Variants in SPATA6 observed in about 807,000 individuals in gnomAD.
SPATA6 encodes spermatogenesis-associated protein 6.
A neutral mutation model predicts 65.3 loss-of-function variants in SPATA6; 56 were observed. The observed-to-expected ratio is 0.86, with a 90% CI of 0.69 to 1.07. The LOEUF is 1.07. SPATA6 is among the 50% of genes least tolerant of loss of function. The probability of loss-of-function intolerance (pLI) is 0.00; values close to 1 mark genes in which losing one functional copy is unlikely to be tolerated. For synonymous variants in SPATA6, 199 were observed against 213.2 expected (o/e 0.93, Z 0.58); for missense variants, 590 against 594.8 (o/e 0.99, Z 0.08).
intron 11 of SPATA6, among the ~76,000 whole-genome samples, chr1:48,347,951 C>T (rs758858902): frequency 3.9e-5 from 6 of 152,046 alleles, no homozygotes; most frequent in Middle Eastern, 3.4e-3. Flanking sequence ...AGTTTTCCAG[C>T]CCCCTGACCA....
chr1:48,387,241 C>T (rs565604298), intron 8 of SPATA6, among the ~76,000 whole-genome samples: 2 of 152,274 alleles, frequency 1.3e-5, no homozygotes, highest in Admixed American at 1.3e-4. Context: ...TCCCACCAGG[C>T]TCCTCCCACA....
intron 3 of SPATA6, among the ~76,000 whole-genome samples, chr1:48,417,522 A>G (rs1029705561): frequency 1.3e-5 from 2 of 152,234 alleles, no homozygotes; most frequent in African/African-American, 2.4e-5. Context: ...TTTAAAAATT[A>G]TAAAACAGGG....
intron 2 of SPATA6, among the ~76,000 whole-genome samples, chr1:48,452,698 T>C (rs1469431377): frequency 6.6e-6 from 1 of 152,210 alleles, no homozygotes; most frequent in African/African-American, 2.4e-5. Context: ...TATTCTTATC[T>C]ATTAATGACT....
rs1228535723 is a variant in SPATA6 at position 48,439,780 on chromosome 1, C to T, written c.238+11772G>A. ...CTCACCCTTGAAATGCATCCTAAGC[C>T]ACTGGGACCAATTTGACCCGCAAAC... On this transcript the variant is annotated intron_variant, in intron 3 of 12. Coordinates refer to ENST00000371847, the MANE Select transcript of SPATA6 (RefSeq NM_019073.4). Among the ~76,000 whole-genome samples, 3 of 152,164 alleles carry T rather than the reference C, an allele frequency of 2.0e-5. No individual in the cohort carries two copies. In the East Asian group the frequency reaches 5.8e-4, roughly 29 times the overall value.
chr1:48,336,290 AATGAATAT>A lies in SPATA6; in HGVS notation c.1194+19372_1194+19379del, dbSNP rs1189724001. On this transcript the variant is annotated intron_variant, in intron 11 of 12. Transcript: ENST00000371847. ...AATCCCATGCCTGGGTATATATTCAAATGAATATAAACTGTTCTACAACAAAGATACAT... is the reference window on the plus strand; with the variant it reads ...AATCCCATGCCTGGGTATATATTCAAAAACTGTTCTACAACAAAGATACAT... 3.9e-5 allele frequency among the ~76,000 whole-genome samples: 6 copies of A among 152,204 alleles called. No homozygotes were observed. In the East Asian group the frequency reaches 1.2e-3, roughly 29 times the overall value.
chr1:48,261,812 T>C, the SPATA6 span, among the ~76,000 whole-genome samples: 6 of 152,130 alleles, frequency 3.9e-5, no homozygotes, highest in Non-Finnish European at 1.5e-5. Context: ...ACCTTAACTG[T>C]AATTATTCAC....
intron 8 of SPATA6, among the ~76,000 whole-genome samples, chr1:48,390,866 A>G (rs1040564849): frequency 5.9e-5 from 9 of 152,156 alleles, no homozygotes; most frequent in African/African-American, 2.2e-4. Context: ...ATGGCACAAG[A>G]TATTTTCTAG....
At position 48,407,788 on chromosome 1, in the gene SPATA6, T is replaced by C. The variant is rs186964584; in HGVS notation, c.405+3676A>G. Among the ~76,000 whole-genome samples the C allele has an allele frequency of 5.9e-5, 9 of 152,308 alleles. No individual in the cohort carries two copies. In the East Asian group the frequency reaches 1.5e-3, roughly 26 times the overall value. On this transcript the variant is annotated intron_variant, in intron 5 of 12. Transcript: ENST00000371847. ...AAACTGCCATTCGTAGAAGTCCTAA[T>C]TTTTATATATTTTTGTTTTAATAAT...
chr1:48,459,820 A>G (rs80332265), intron 1 of SPATA6, among the ~76,000 whole-genome samples: 5,383 of 152,282 alleles, frequency 0.035, 310 homozygotes, highest in African/African-American at 0.12. Context: ...ATGGGAAAAT[A>G]TCTGAAAAAA....
chr1:48,269,890 A>T, the SPATA6 span, among the ~76,000 whole-genome samples: 3 of 150,022 alleles, frequency 2.0e-5, no homozygotes, highest in Non-Finnish European at 3.0e-5. Flanking sequence ...TTTACCTTTA[A>T]AAAAAAAGAA....
In SPATA6 at chr1:48,411,597, A is replaced by G; in HGVS notation, c.281-9T>C. 1 of 1,545,756 alleles carries G rather than the reference A, an allele frequency of 6.5e-7. No homozygotes were observed. The highest frequency in any genetic ancestry group is 8.7e-7 in the Non-Finnish European group (1 of 1,148,660). On this transcript the variant is annotated splice_polypyrimidine_tract_variant and intron_variant, in intron 4 of 12. Coordinates refer to ENST00000371847, the MANE Select transcript of SPATA6 (RefSeq NM_019073.4). ...AGACAGTGTTTCACCCACTACAAGAAAGATACCCTATGATTCAAATTATAA... is the reference window on the plus strand; with the variant it reads ...AGACAGTGTTTCACCCACTACAAGAGAGATACCCTATGATTCAAATTATAA...
At chr1:48,427,374 C>T (rs1653934205) in intron 3 of SPATA6, among the ~76,000 whole-genome samples, 1 of 146,608 alleles carries the variant, frequency 6.8e-6, no homozygotes, top group Non-Finnish European at 1.5e-5. Flanking sequence ...AAAGTAAACA[C>T]TAAACAGGCA....
chr1:48,386,873 G>A (rs1053294567), intron 8 of SPATA6, among the ~76,000 whole-genome samples: 1 of 152,198 alleles, frequency 6.6e-6, no homozygotes, highest in Non-Finnish European at 1.5e-5. Context: ...ACTGTGAGCT[G>A]TCCTGGAGCC....
intron 11 of SPATA6, among the ~76,000 whole-genome samples, chr1:48,327,380 G>T (rs760061815): frequency 1.3e-5 from 2 of 152,112 alleles, no homozygotes; most frequent in African/African-American, 2.4e-5. Context: ...AAAAGGGAAC[G>T]CTTACACACT....
chr1:48,384,074 C>A (rs920442861), intron 9 of SPATA6, among the ~76,000 whole-genome samples: 3 of 150,570 alleles, frequency 2.0e-5, no homozygotes, highest in African/African-American at 7.3e-5. Context: ...GAGACTCCAT[C>A]TGCAATCCCG....
Position 48,385,326 on chromosome 1 carries a change from G to A in SPATA6, c.892C>T (p.Arg298Ter), listed in dbSNP as rs773954906. ...HNDHSHLGCC[R>*]PKDYKVIRTP... Reference sequence around the variant, plus strand: ...CTACACACCTTATAATCCTTGGGTCGGCAGCAGCCAAGATGAGAATGATCT... The same window carrying A: ...CTACACACCTTATAATCCTTGGGTCAGCAGCAGCCAAGATGAGAATGATCT... The change falls in exon 9 of 13, where the codon CGA (arginine) becomes TGA (stop). Residue 298 changes from arginine to a stop codon, truncating the protein, a stop_gained. Transcript: ENST00000371847. LOFTEE classifies it high-confidence loss of function. 29 of 1,605,946 alleles carry A rather than the reference G, an allele frequency of 1.8e-5. No homozygotes were observed. The highest frequency in any genetic ancestry group is 5.2e-5 in the Admixed American group (3 of 58,220).
chr1:48,470,078 A>G (rs2148213406), intron 1 of SPATA6, among the ~76,000 whole-genome samples: 1 of 152,332 alleles, frequency 6.6e-6, no homozygotes, highest in Middle Eastern at 3.4e-3. Context: ...TTCCACCATC[A>G]TAGTTTTCTT....
At chr1:48,471,497 C>G (rs1658242843) in intron 1 of SPATA6, among the ~76,000 whole-genome samples, 2 of 152,032 alleles carry the variant, frequency 1.3e-5, no homozygotes, top group South Asian at 4.1e-4. Flanking sequence ...TTCATTAATG[C>G]GGGTTTGAAA....
At chr1:48,415,218 G>C (rs116595580) in intron 3 of SPATA6, among the ~76,000 whole-genome samples, 349 of 152,332 alleles carry the variant, frequency 2.3e-3, no homozygotes, top group African/African-American at 7.0e-3. Context: ...TCAATAACAA[G>C]GGTGATGACA....
Sources: gnomAD v4.1 joint callset for allele counts (sites outside exome capture counted in the v4.1 genomes callset) on GRCh38, gnomAD v4.1.1 for gene constraint, MANE v1.5 for transcripts, NCBI Gene and HGNC (gene_info 2026-07-23, HGNC 2026-07-21) for gene names.